Variants in RBFOX1 observed in about 807,000 individuals in gnomAD.
The protein encoded by RBFOX1 is RNA binding protein fox-1 homolog 1.
RBFOX1 carries 8 observed loss-of-function variants against 57.7 expected under a neutral mutation model. That is an observed-to-expected ratio of 0.14 (90% CI 0.08 to 0.25). The LOEUF (loss-of-function observed/expected upper bound fraction) is 0.25, where lower values mean the gene tolerates loss of function less well. RBFOX1 is among the 10% of genes least tolerant of loss of function. The pLI is 1.00. For synonymous variants in RBFOX1, 326 were observed against 222.4 expected, an observed-to-expected ratio of 1.47 and a Z score of -4.15; for missense variants, 611 against 548.5, an observed-to-expected ratio of 1.11 and a Z score of -1.14.
intron 4 of RBFOX1, among the ~76,000 whole-genome samples, chr16:7,131,450 C>A (rs1348325057): frequency 1.4e-5 from 2 of 142,518 alleles, no homozygotes. Flanking sequence ...ACATCTCTTG[C>A]TTCTGCTCCG....
rs1309784209 is a variant in RBFOX1 at position 5,983,927 on chromosome 16, CCCTCCT to C, written c.351+116603_351+116608del. 4.9e-4 allele frequency among the ~76,000 whole-genome samples: 70 copies of C among 143,306 alleles called. 1 individual carries two copies. The highest frequency in any genetic ancestry group is 7.7e-5 in the Non-Finnish European group (5 of 64,998). 94.0% of individuals were successfully genotyped at this position (143,306 alleles called of 152,430 possible). A position where few individuals can be genotyped will look rare whatever the true frequency, so the allele number is the denominator to read the frequency against. ...CTCCTCCTCCTCTTCCTCCTCCTCCCCCTCCTCCTCCTCCTCTTCCTCCTCTTCTTC... is the reference window on the plus strand; with the variant it reads ...CTCCTCCTCCTCTTCCTCCTCCTCCCCCTCCTCCTCTTCCTCCTCTTCTTC... On this transcript the variant is annotated intron_variant, in intron 4 of 19. Transcript: ENST00000641259.
intron 3 of RBFOX1, among the ~76,000 whole-genome samples, chr16:5,693,112 C>G (rs983069068): frequency 6.6e-6 from 1 of 152,128 alleles, no homozygotes; most frequent in Non-Finnish European, 1.5e-5. Flanking sequence ...AGTGGACAGA[C>G]GTGGGTGTGA....
intron 1 of RBFOX1, among the ~76,000 whole-genome samples, chr16:5,461,639 A>G (rs573727817): frequency 2.8e-4 from 43 of 152,248 alleles, no homozygotes; most frequent in African/African-American, 1.0e-3. Context: ...TTCAAGCCCG[A>G]GCCTTGTAAT....
intron 4 of RBFOX1, among the ~76,000 whole-genome samples, chr16:7,342,438 C>A (rs531747552): frequency 3.3e-5 from 5 of 152,314 alleles, no homozygotes; most frequent in African/African-American, 9.6e-5. Context: ...ACATCGACTG[C>A]AGAAGGGAGC....
At chr16:5,875,374 A>G (rs1331841189) in intron 4 of RBFOX1, among the ~76,000 whole-genome samples, 1 of 152,162 alleles carries the variant, frequency 6.6e-6, no homozygotes, top group African/African-American at 2.4e-5. Flanking sequence ...CATGACTGCC[A>G]TTGTTTATCT....
chr16:7,085,590 T>A (rs916356974), intron 4 of RBFOX1, among the ~76,000 whole-genome samples: 1 of 152,090 alleles, frequency 6.6e-6, no homozygotes, highest in East Asian at 1.9e-4. Context: ...AATGAACATA[T>A]GCCTGCAAAA....
intron 4 of RBFOX1, among the ~76,000 whole-genome samples, chr16:7,424,956 G>C (rs1483865061): frequency 6.6e-6 from 1 of 152,138 alleles, no homozygotes; most frequent in African/African-American, 2.4e-5. Context: ...GGGAGTTTGA[G>C]CACCAAGAAG....
chr16:6,606,856 C>A (rs1260132239), intron 2 of RBFOX1, among the ~76,000 whole-genome samples: 2 of 152,036 alleles, frequency 1.3e-5, no homozygotes, highest in Non-Finnish European at 2.9e-5. Flanking sequence ...GATTTGTATT[C>A]CTTTGGGTAT....
chr16:6,119,263 A>T (rs2096530525), intron 1 of RBFOX1, among the ~76,000 whole-genome samples: 1 of 152,178 alleles, frequency 6.6e-6, no homozygotes, highest in African/African-American at 2.4e-5. Context: ...TTTTAAGGGG[A>T]TATTTCTCAG....
At chr16:7,115,315 C>T (rs1317468806) in intron 4 of RBFOX1, among the ~76,000 whole-genome samples, 1 of 152,122 alleles carries the variant, frequency 6.6e-6, no homozygotes, top group East Asian at 1.9e-4. Flanking sequence ...AGCAACGTTG[C>T]TAGGCTTTGG....
chr16:6,553,083 G>T (rs1220138267), intron 2 of RBFOX1, among the ~76,000 whole-genome samples: 1 of 152,168 alleles, frequency 6.6e-6, no homozygotes, highest in East Asian at 1.9e-4. Context: ...CAGAGTCTCA[G>T]TATGTAATCC....
At chr16:5,392,855 C>G (rs1272495029) in intron 1 of RBFOX1, among the ~76,000 whole-genome samples, 1 of 152,166 alleles carries the variant, frequency 6.6e-6, no homozygotes, top group Admixed American at 6.5e-5. Context: ...CCTGTCTCCT[C>G]TGTCTGCAAC....
At chr16:6,531,080 C>G (rs2096651287) in intron 2 of RBFOX1, among the ~76,000 whole-genome samples, 1 of 152,224 alleles carries the variant, frequency 6.6e-6, no homozygotes, top group Non-Finnish European at 1.5e-5. Flanking sequence ...TCAGCTATTT[C>G]TACTGGAACT....
At chr16:7,386,239 G>A (rs1266499462) in intron 4 of RBFOX1, among the ~76,000 whole-genome samples, 1 of 152,026 alleles carries the variant, frequency 6.6e-6, no homozygotes, top group Non-Finnish European at 1.5e-5. Context: ...TTGAAGTACT[G>A]GTCCTTTATG....
chr16:6,649,658 C>T (rs913107713), intron 2 of RBFOX1, among the ~76,000 whole-genome samples: 10 of 152,146 alleles, frequency 6.6e-5, no homozygotes, highest in African/African-American at 2.2e-4. Flanking sequence ...GAATAATGGT[C>T]TCCAGTTCCA....
intron 3 of RBFOX1, among the ~76,000 whole-genome samples, chr16:6,749,933 T>C (rs1190094354): frequency 6.6e-6 from 1 of 152,178 alleles, no homozygotes; most frequent in Non-Finnish European, 1.5e-5. Context: ...GCTGACTGTG[T>C]CAGGGTGTTC....
intron 3 of RBFOX1, among the ~76,000 whole-genome samples, chr16:5,866,360 T>G (rs1269065931): frequency 6.6e-6 from 1 of 152,198 alleles, no homozygotes; most frequent in African/African-American, 2.4e-5. Context: ...AGGTCCAGTC[T>G]CCAAATACAA....
chr16:6,895,762 C>T (rs571652686), intron 3 of RBFOX1, among the ~76,000 whole-genome samples: 1 of 151,946 alleles, frequency 6.6e-6, no homozygotes, highest in Non-Finnish European at 1.5e-5. Context: ...GGAATGAGCC[C>T]TAAGACAGGT....
chr16:5,759,524 TTCAGA>T (rs2053520506), intron 3 of RBFOX1, among the ~76,000 whole-genome samples: 1 of 152,212 alleles, frequency 6.6e-6, no homozygotes, highest in Non-Finnish European at 1.5e-5. Flanking sequence ...CCCATGCAAA[TTCAGA>T]GTTTTCTTAA....
Sources: allele counts gnomAD v4.1 joint callset (sites outside exome capture counted in the v4.1 genomes callset), GRCh38; gene constraint gnomAD v4.1.1; transcripts MANE v1.5; gene names NCBI Gene and HGNC (gene_info 2026-07-23, HGNC 2026-07-21).